TBC1D16: variants seen among roughly 807,000 people sequenced by gnomAD.
TBC1D16 encodes CTD-2529O21.1.
Under a neutral mutation model 74.7 loss-of-function variants are expected in TBC1D16, and 58 were observed. The observed-to-expected ratio is 0.78, with a 90% CI of 0.63 to 0.97. The LOEUF is 0.97. TBC1D16 is among the 50% of genes least tolerant of loss of function. TBC1D16 has a pLI of 0.00. For synonymous variants in TBC1D16, 493 were observed against 474.7 expected, an observed-to-expected ratio of 1.04 and a Z score of -0.50; for missense variants, 1,014 against 1,079.5, an observed-to-expected ratio of 0.94 and a Z score of 0.85.
intron 5 of TBC1D16, 60 bp downstream of exon 5, chr17:79,951,390 G>T (rs2033037731): frequency 1.6e-5 from 26 of 1,578,970 alleles, no homozygotes; most frequent in Non-Finnish European, 2.1e-5. Flanking sequence ...AGGGAGATGG[G>T]GCCCGTGGGG....
rs1217866236 is a variant in TBC1D16 at position 79,936,257 on chromosome 17, G to A, written c.*4602C>T. On this transcript the variant is annotated 3_prime_UTR_variant, in exon 12 of 12. Coordinates refer to ENST00000310924, the MANE Select transcript of TBC1D16 (RefSeq NM_019020.4). ...GTCACAGAGAGGCTCGCCCTCGGCG[G>A]AGGACACACAGCTGGGTGGGCGTGT... 6.6e-6 allele frequency: 1 copy of A among 152,284 alleles called. No homozygotes were observed. Among genetic ancestry groups the A allele is most frequent in the Admixed American group, 6.5e-5 (1 of 15,290 alleles). 9.4% of individuals were successfully genotyped at this position (152,284 alleles called of 1,614,324 possible). A position where few individuals can be genotyped will look rare whatever the true frequency, so the allele number is the denominator to read the frequency against.
chr17:80,010,284 C>A lies in TBC1D16; in HGVS notation c.655G>T (p.Gly219Cys). Residue 219 changes from glycine (G) to cysteine (C), a missense_variant, in exon 3 of 12, where the codon GGC becomes TGC. Transcript: ENST00000310924. The surrounding 1 kb of genome is among the most constrained non-coding windows in gnomAD (Gnocchi z 8.8). Reference sequence around the variant, plus strand: ...TCAAAGGAGCTGTCTCTGCTCACGCCCTCGGCTGACAGTTCCAAAGAGCCA... The same window carrying A: ...TCAAAGGAGCTGTCTCTGCTCACGCACTCGGCTGACAGTTCCAAAGAGCCA... Reference protein sequence around the residue: ...EDGSLELSAEGVSRDSSFDSD... With the variant: ...EDGSLELSAECVSRDSSFDSD... 6.2e-7 allele frequency: 1 copy of A among 1,613,178 alleles called. No homozygotes were observed. Among genetic ancestry groups the A allele is most frequent in the East Asian group, 2.2e-5 (1 of 44,856 alleles).
intron 3 of TBC1D16, among the ~76,000 whole-genome samples, chr17:79,978,826 C>A (rs1361886143): frequency 6.6e-6 from 1 of 152,164 alleles, no homozygotes; most frequent in East Asian, 1.9e-4. Context: ...TGCTTGGAGG[C>A]AAAGGGACGC....
chr17:79,946,152 C>T (rs1024823819), intron 9 of TBC1D16, among the ~76,000 whole-genome samples: 6 of 152,242 alleles, frequency 3.9e-5, no homozygotes, highest in South Asian at 4.1e-4. Context: ...TCTATAGCAG[C>T]GGTCCCCAAC....
chr17:80,004,181 G>A (rs554030036), intron 3 of TBC1D16, among the ~76,000 whole-genome samples: 101 of 152,346 alleles, frequency 6.6e-4, no homozygotes, highest in African/African-American at 2.3e-3. Context: ...GCCAGTGGCC[G>A]CAGTGCGGGA....
At chr17:80,002,910 C>T (rs1463633084) in intron 3 of TBC1D16, among the ~76,000 whole-genome samples, 2 of 152,154 alleles carry the variant, frequency 1.3e-5, no homozygotes, top group Non-Finnish European at 2.9e-5. Context: ...CGGTGGCGCA[C>T]GTAGGGAACA....
chr17:80,031,286 T>G (rs561739435), intron 1 of TBC1D16, among the ~76,000 whole-genome samples: 4 of 152,178 alleles, frequency 2.6e-5, no homozygotes, highest in Admixed American at 1.3e-4. Flanking sequence ...CAGGATGAAT[T>G]GAGAAAATAA....
At position 79,990,958 on chromosome 17, in the gene TBC1D16, CAT is replaced by C. The variant is rs778505743; in HGVS notation, c.779+19200_779+19201del. Among the ~76,000 whole-genome samples the C allele has an allele frequency of 1.3e-5, 2 of 152,230 alleles. No individual in the cohort carries two copies. Among genetic ancestry groups the C allele is most frequent in the Admixed American group, 6.5e-5 (1 of 15,290 alleles). On this transcript the variant is annotated intron_variant, in intron 3 of 11. Coordinates refer to ENST00000310924, the MANE Select transcript of TBC1D16 (RefSeq NM_019020.4). This position sits in a 1 kb window ranked among gnomAD's most constrained non-coding sequence, Gnocchi z 4.8. ...AACGTTCCGCTGGGTGTGTGTGGAA[CAT>C]GTGTGTGAACACACCGCGTTTCTCT...
chr17:79,967,479 T>C (rs1466439371), intron 3 of TBC1D16, among the ~76,000 whole-genome samples: 2 of 152,204 alleles, frequency 1.3e-5, no homozygotes, highest in South Asian at 2.1e-4. Context: ...TGTATTTCTA[T>C]ACACTGGCAA....
rs753753321 is a variant in TBC1D16, at chr17:80,013,481, C to T, written c.67G>A (p.Gly23Ser). The T allele has an allele frequency of 8.2e-6, 13 of 1,591,300 alleles. No individual in the cohort carries two copies. Among genetic ancestry groups the T allele is most frequent in the South Asian group, 3.4e-5 (3 of 87,614 alleles). ...GAGGGGGACCCGCTGCCGCTGCCAC[C>T]GGGGGTGAGGGTCAGGAGGTCCGAG... is the stretch of plus-strand genomic sequence containing the variant. ...KASDLLTLTP[G>S]GSGSGSPSVL... Residue 23 changes from glycine (G) to serine (S), a missense_variant, in exon 2 of 12, where the codon GGT becomes AGT. Transcript: ENST00000310924.
Position 79,935,173 on chromosome 17 carries a change from G to A in TBC1D16, c.*5686C>T, listed in dbSNP as rs1398982594. On this transcript the variant is annotated 3_prime_UTR_variant, in exon 12 of 12. Coordinates refer to ENST00000310924, the MANE Select transcript of TBC1D16 (RefSeq NM_019020.4). The stretch of plus-strand genomic sequence containing the variant: ...GCCAAGGCTCAATAAAATACTGTTT[G>A]TGTTTCCAGGCACTGGGGTGGGAGC... The A allele has an allele frequency of 6.6e-6, 1 of 152,282 alleles. No homozygotes were observed. The highest frequency in any genetic ancestry group is 2.4e-5 in the African/African-American group (1 of 41,458). The allele number at this position is 152,282 out of a possible 1,614,324, so 9.4% of individuals were successfully genotyped here.
intron 2 of TBC1D16, among the ~76,000 whole-genome samples, chr17:80,011,019 C>A (rs899561570): frequency 6.6e-6 from 1 of 152,044 alleles, no homozygotes; most frequent in African/African-American, 2.4e-5. Flanking sequence ...GCCTGCCATG[C>A]GCCTTTCTTT....
In TBC1D16 at chr17:79,998,125, C is replaced by CAAA. The variant is rs901486919; in HGVS notation, c.779+12032_779+12034dup. Reference sequence around the variant, plus strand: ...GGGCACAAAGAGCAAAACTCTGTCTCAAAAAAAAAAAAAAAAAAAAAAGAC... The same window carrying CAAA: ...GGGCACAAAGAGCAAAACTCTGTCTCAAAAAAAAAAAAAAAAAAAAAAAAAGAC... On this transcript the variant is annotated intron_variant, in intron 3 of 11. Coordinates refer to ENST00000310924, the MANE Select transcript of TBC1D16 (RefSeq NM_019020.4). 5.6e-3 allele frequency among the ~76,000 whole-genome samples: 288 copies of CAAA among 51,846 alleles called. 7 individuals are homozygous for CAAA. Among genetic ancestry groups the CAAA allele is most frequent in the African/African-American group, 0.016 (260 of 16,178 alleles). The allele number at this position is 51,846 out of a possible 152,430, so 34.0% of individuals were successfully genotyped here.
intron 6 of TBC1D16, 101 bp from the exon 7 acceptor site, chr17:79,949,966 T>C: frequency 7.2e-7 from 1 of 1,394,432 alleles, no homozygotes. Context: ...TGGTGCGCCT[T>C]GATTCAGATC....
In TBC1D16 at chr17:80,019,753, T is replaced by TATA. The variant is rs2036221633; in HGVS notation, c.-62-6145_-62-6144insTAT. Among the ~76,000 whole-genome samples, 2 of 149,800 alleles carry TATA rather than the reference T, an allele frequency of 1.3e-5. 1 individual carries two copies. Among genetic ancestry groups the TATA allele is most frequent in the African/African-American group, 5.1e-5 (2 of 39,240 alleles). ...AAATCACATAATCCTAAGACATTTA[T>TATA]GTATTCTCTACTATATTTTGTGCCC... On this transcript the variant is annotated intron_variant, in intron 1 of 11. Coordinates refer to ENST00000310924, the MANE Select transcript of TBC1D16 (RefSeq NM_019020.4).
intron 3 of TBC1D16, among the ~76,000 whole-genome samples, chr17:79,962,462 C>A (rs1032549433): frequency 6.6e-6 from 1 of 151,738 alleles, no homozygotes; most frequent in East Asian, 2.0e-4. Flanking sequence ...GATCCGCCCA[C>A]CTTGCCTCCC....
At chr17:79,998,009 CA>C (rs1473791926) in intron 3 of TBC1D16, among the ~76,000 whole-genome samples, 1 of 151,712 alleles carries the variant, frequency 6.6e-6, no homozygotes, top group East Asian at 1.9e-4. Flanking sequence ...CCTGGAATCC[CA>C]GCTACTCAAG....
At chr17:79,973,484 C>A (rs1032505987) in intron 3 of TBC1D16, among the ~76,000 whole-genome samples, 1 of 152,068 alleles carries the variant, frequency 6.6e-6, no homozygotes. Flanking sequence ...CCAAGGCGGG[C>A]GGATCACAAG....
At chr17:79,982,999 C>T (rs1054844871) in intron 3 of TBC1D16, among the ~76,000 whole-genome samples, 3 of 152,240 alleles carry the variant, frequency 2.0e-5, no homozygotes, top group African/African-American at 2.4e-5. Context: ...GCGTCATCCA[C>T]GTTTGTGCGG....
Sources: gnomAD v4.1 joint callset for allele counts (sites outside exome capture counted in the v4.1 genomes callset) on GRCh38, gnomAD v4.1.1 for gene constraint, Gnocchi (gnomAD v3.1) non-coding constraint, MANE v1.5 for transcripts, NCBI Gene and HGNC (gene_info 2026-07-23, HGNC 2026-07-21) for gene names.